DMD: variants seen among roughly 807,000 people sequenced by gnomAD.
DMD encodes mutant dystrophin.
DMD carries 63 observed loss-of-function variants against 330.1 expected under a neutral mutation model. That is an observed-to-expected ratio of 0.19 (90% CI 0.16 to 0.24). The LOEUF is 0.24. DMD is among the 10% of genes least tolerant of loss of function. The probability of loss-of-function intolerance (pLI) is 1.00; values close to 1 mark genes in which losing one functional copy is unlikely to be tolerated. For missense variants in DMD, 3,344 were observed against 2,684.1 expected, an observed-to-expected ratio of 1.25 and a Z score of -5.43; for synonymous variants, 1,223 against 959.8, an observed-to-expected ratio of 1.27 and a Z score of -5.07.
Position 33,088,488 on chromosome X carries a change from G to A in DMD, c.32-68288C>T, listed in dbSNP as rs903418468. Among the ~76,000 whole-genome samples, 4 of 111,756 alleles carry A rather than the reference G, an allele frequency of 3.6e-5. No homozygotes were observed. In the Admixed American group the frequency reaches 3.8e-4, roughly 11 times the overall value. Reference sequence around the variant, plus strand: ...ATTGGTAGAATTCAACACTGGGGGAGGATCTTAAAGTAACGAATAAATATG... The same window carrying A: ...ATTGGTAGAATTCAACACTGGGGGAAGATCTTAAAGTAACGAATAAATATG... On this transcript the variant is annotated intron_variant, in intron 1 of 78. Transcript: ENST00000357033.
intron 2 of DMD, among the ~76,000 whole-genome samples, chrX:32,862,320 G>A (rs2082129725): frequency 8.9e-6 from 1 of 111,947 alleles, no homozygotes. Flanking sequence ...ACTCTATTAA[G>A]TACACTAGAA....
chrX:32,392,861 G>A (rs1258331878), intron 30 of DMD, among the ~76,000 whole-genome samples: 1 of 112,695 alleles, frequency 8.9e-6, no homozygotes, highest in Non-Finnish European at 1.9e-5. Context: ...CCATGGATAA[G>A]TGCTTCAGCA....
chrX:31,537,166 A>G (rs191810799), intron 55 of DMD, among the ~76,000 whole-genome samples: 27 of 111,848 alleles, frequency 2.4e-4, no homozygotes, highest in Non-Finnish European at 4.5e-4. Context: ...TTAATAGGAT[A>G]TATTTTGGTC....
At chrX:31,402,293 G>C (rs923732494) in intron 60 of DMD, among the ~76,000 whole-genome samples, 1 of 111,966 alleles carries the variant, frequency 8.9e-6, no homozygotes, top group Non-Finnish European at 1.9e-5. Flanking sequence ...TGGATGTCAG[G>C]CAGGGTGGAT....
chrX:32,332,326 C>G (rs2097684316), intron 41 of DMD, among the ~76,000 whole-genome samples: 1 of 109,001 alleles, frequency 9.2e-6, no homozygotes, highest in African/African-American at 3.4e-5. Context: ...GAAATAAATA[C>G]TCAAGAAGAT....
intron 60 of DMD, among the ~76,000 whole-genome samples, chrX:31,383,408 A>C (rs1047294164): frequency 8.9e-6 from 1 of 112,261 alleles, no homozygotes; most frequent in Non-Finnish European, 1.9e-5. Context: ...GATATGAAGT[A>C]CGTAGATAAT....
At chrX:32,931,574 C>T (rs2089599295) in intron 2 of DMD, among the ~76,000 whole-genome samples, 1 of 111,351 alleles carries the variant, frequency 9.0e-6, no homozygotes, top group Non-Finnish European at 1.9e-5. Context: ...GAGATTCAAA[C>T]AAACGTATAA....
intron 55 of DMD, among the ~76,000 whole-genome samples, chrX:31,528,860 C>A (rs1207281576): frequency 1.8e-5 from 2 of 111,163 alleles, no homozygotes; most frequent in Non-Finnish European, 3.8e-5. Context: ...GTCAGGCACA[C>A]TGGCTCATGC....
At chrX:32,950,040 G>A (rs753638010) in intron 2 of DMD, among the ~76,000 whole-genome samples, 1 of 77,694 alleles carries the variant, frequency 1.3e-5, no homozygotes, top group African/African-American at 5.6e-5. Context: ...GAACGGTGGT[G>A]AATGAAGCTA....
At chrX:32,894,625 G>A (rs1285903730) in intron 2 of DMD, among the ~76,000 whole-genome samples, 4 of 112,668 alleles carry the variant, frequency 3.6e-5, no homozygotes, top group African/African-American at 9.7e-5. Flanking sequence ...ATGCACTTGG[G>A]GCTCAGATGT....
chrX:33,079,185 T>C (rs2094889256), intron 1 of DMD, among the ~76,000 whole-genome samples: 1 of 111,670 alleles, frequency 9.0e-6, no homozygotes, highest in Non-Finnish European at 1.9e-5. Context: ...AATGATTTTG[T>C]ATTTTTAGTA....
chrX:32,670,520 T>A (rs1257945497), intron 9 of DMD, among the ~76,000 whole-genome samples: 1 of 111,705 alleles, frequency 9.0e-6, no homozygotes, highest in Admixed American at 9.6e-5. Flanking sequence ...GCTTGATTGG[T>A]GGTAAACCTC....
chrX:32,438,106 G>T, intron 29 of DMD, 135 bp downstream of exon 29: 3 of 639,534 alleles, frequency 4.7e-6, no homozygotes, highest in Non-Finnish European at 7.4e-6. Flanking sequence ...TTTACCCAGT[G>T]TCTGGCATTG....
At chrX:32,679,537 T>C (rs943159606) in intron 9 of DMD, among the ~76,000 whole-genome samples, 3 of 111,217 alleles carry the variant, frequency 2.7e-5, no homozygotes, top group African/African-American at 6.5e-5. Flanking sequence ...AGGGGAAACA[T>C]TTCTTATGAA....
intron 29 of DMD, among the ~76,000 whole-genome samples, chrX:32,430,710 T>G (rs1427680110): frequency 9.0e-6 from 1 of 111,455 alleles, no homozygotes; most frequent in African/African-American, 3.3e-5. Context: ...ATCTCTCCAT[T>G]TTTCCCTTCC....
intron 55 of DMD, among the ~76,000 whole-genome samples, chrX:31,571,418 A>T (rs1246660544): frequency 1.8e-5 from 2 of 110,222 alleles, no homozygotes; most frequent in East Asian, 5.7e-4. Flanking sequence ...ATCTTCTAAC[A>T]TTACCATGTT....
At chrX:31,686,309 C>T (rs779072564) in intron 52 of DMD, among the ~76,000 whole-genome samples, 1 of 112,139 alleles carries the variant, frequency 8.9e-6, no homozygotes, top group South Asian at 3.7e-4. Flanking sequence ...TATAAAAATG[C>T]CATTTCTAAA....
At chrX:32,870,979 AAAAAAAAAAC>A (rs1479962459) in intron 2 of DMD, among the ~76,000 whole-genome samples, 17 of 83,785 alleles carry the variant, frequency 2.0e-4, no homozygotes, top group Admixed American at 2.9e-4. Context: ...AAAAAAAAAA[AAAAAAAAAAC>A]CACAAAACCC....
chrX:31,223,187 C>T (rs767872157), intron 63 of DMD, 66 bp from the exon 64 acceptor site: 175 of 996,550 alleles, frequency 1.8e-4, no homozygotes, highest in Non-Finnish European at 2.3e-4. Flanking sequence ...CCACCCCCGA[C>T]GCCCAGTGAT....
Sources: gnomAD v4.1 joint callset for allele counts (sites outside exome capture counted in the v4.1 genomes callset) on GRCh38, gnomAD v4.1.1 for gene constraint, MANE v1.5 for transcripts, NCBI Gene and HGNC (gene_info 2026-07-23, HGNC 2026-07-21) for gene names.